The following SLIT2 variants were observed in gnomAD, a reference collection of about 807,000 sequenced individuals.
SLIT2 encodes the protein slit homolog 2 protein.
In SLIT2, 41 loss-of-function variants were observed where a neutral mutation model predicts 185.7. The ratio of observed to expected loss-of-function variants is 0.22; its 90% confidence interval spans 0.17 to 0.29. SLIT2 has a LOEUF of 0.29. Ranked by LOEUF, SLIT2 falls within the 10% of genes least tolerant of loss-of-function variation. The pLI, the probability that SLIT2 is intolerant of heterozygous loss-of-function variation, is 1.00. For synonymous variants in SLIT2, 693 were observed against 680.2 expected (o/e 1.02, Z -0.29); for missense variants, 1,571 against 1,909.0 (o/e 0.82, Z 3.30).
At chr4:20,379,215 C>G (rs566757626) in intron 4 of SLIT2, among the ~76,000 whole-genome samples, 27 of 152,146 alleles carry the variant, frequency 1.8e-4, no homozygotes, top group African/African-American at 6.3e-4. Context: ...AAAGATACTA[C>G]TCTGCATGGG....
At chr4:20,530,892 A>C (rs1257337270) in intron 16 of SLIT2, among the ~76,000 whole-genome samples, 1 of 151,992 alleles carries the variant, frequency 6.6e-6, no homozygotes, top group Non-Finnish European at 1.5e-5. Flanking sequence ...AAACTGCTCA[A>C]TATCATTAGT....
chr4:20,255,206 G>T (rs1258629010), intron 1 of SLIT2: 2 of 365,786 alleles, frequency 5.5e-6, no homozygotes, highest in Non-Finnish European at 1.1e-5. Context: ...GTTTCGGGCC[G>T]TGGAGAGGAG....
chr4:20,526,776 C>G (rs1721332434), intron 15 of SLIT2, among the ~76,000 whole-genome samples: 1 of 152,036 alleles, frequency 6.6e-6, no homozygotes, highest in South Asian at 2.1e-4. Context: ...TTGTAGAAGC[C>G]AGGACTCAAA....
rs1711554886 is a variant in SLIT2 at position 20,254,545 on chromosome 4, C to T, written c.179+551C>T. On this transcript the variant is annotated intron_variant, in intron 1 of 36. Coordinates refer to ENST00000504154, the MANE Select transcript of SLIT2 (RefSeq NM_004787.4). This position sits in a 1 kb window ranked among gnomAD's most constrained non-coding sequence, Gnocchi z 5.1. ...GTGCCTGGGGGTGCTTCTCACAGGT[C>T]GCGGGGAGAAGGGTGCCCCAGGACG... Among the ~76,000 whole-genome samples the T allele has an allele frequency of 1.3e-5, 2 of 152,104 alleles. No homozygotes were observed.
chr4:20,461,694 C>T (rs186633851), intron 4 of SLIT2, among the ~76,000 whole-genome samples: 5 of 152,060 alleles, frequency 3.3e-5, no homozygotes, highest in Non-Finnish European at 5.9e-5. Context: ...GTGGTTTGGA[C>T]GCAGATTGTA....
Position 20,553,961 on chromosome 4 carries a change from C to T in SLIT2, c.2718C>T (p.Thr906=), listed in dbSNP as rs764376134. Reference sequence around the variant, plus strand: ...TCACAACTCCCTCCAAAAAATTTACCTGTCAAGGTATGGTTTTTAATCATT... The same window carrying T: ...TCACAACTCCCTCCAAAAAATTTACTTGTCAAGGTATGGTTTTTAATCATT... ...LLLTTPSKKF[T]CQGPVDVNIL... The change falls in exon 26 of 37, where the codon ACC becomes ACT. Residue 906 remains threonine (T), a synonymous_variant. Transcript: ENST00000504154. The T allele has an allele frequency of 3.1e-6, 5 of 1,595,706 alleles. No individual in the cohort carries two copies. Among genetic ancestry groups the T allele is most frequent in the Non-Finnish European group, 4.3e-6 (5 of 1,174,206 alleles).
At position 20,449,274 on chromosome 4, in the gene SLIT2, A is replaced by T. The variant is rs538736955; in HGVS notation, c.396-18478A>T. 2.6e-4 allele frequency among the ~76,000 whole-genome samples: 39 copies of T among 152,230 alleles called. No individual in the cohort carries two copies. In the East Asian group the frequency reaches 5.8e-3, roughly 23 times the overall value. ...TATTTATGCTTACCATTTTTTACTT[A>T]TGGGGACACTTTGCCCATGGGAAAT... On this transcript the variant is annotated intron_variant, in intron 4 of 36. Coordinates refer to ENST00000504154, the MANE Select transcript of SLIT2 (RefSeq NM_004787.4).
At chr4:20,493,163 GGTGGCAGTAAGCATT>G (rs1717929975) in intron 9 of SLIT2, among the ~76,000 whole-genome samples, 1 of 152,262 alleles carries the variant, frequency 6.6e-6, no homozygotes, top group South Asian at 2.1e-4. Flanking sequence ...AAAGAACAGA[GGTGGCAGTAAGCATT>G]GTTTGAGAGA....
intron 4 of SLIT2, among the ~76,000 whole-genome samples, chr4:20,343,338 C>T (rs1721119153): frequency 6.6e-6 from 1 of 152,086 alleles, no homozygotes; most frequent in African/African-American, 2.4e-5. Context: ...TTATCCCTGG[C>T]TTATTTCACT....
At chr4:20,389,514 A>G (rs1338217259) in intron 4 of SLIT2, among the ~76,000 whole-genome samples, 2 of 152,010 alleles carry the variant, frequency 1.3e-5, no homozygotes, top group Non-Finnish European at 2.9e-5. Flanking sequence ...AAAGAGAGTG[A>G]GAAATTAAGT....
intron 22 of SLIT2, among the ~76,000 whole-genome samples, chr4:20,547,362 A>G (rs1305604626): frequency 5.3e-5 from 8 of 152,096 alleles, no homozygotes; most frequent in South Asian, 2.1e-4. Flanking sequence ...GCTCGAAATG[A>G]CAAATGAGGA....
At chr4:20,358,554 G>A (rs1390407181) in intron 4 of SLIT2, among the ~76,000 whole-genome samples, 1 of 152,024 alleles carries the variant, frequency 6.6e-6, no homozygotes, top group Non-Finnish European at 1.5e-5. Context: ...AAATTTGGGT[G>A]TCTACTCTGT....
At position 20,256,708 on chromosome 4, in the gene SLIT2, G is replaced by A. The variant is rs1711886432; in HGVS notation, c.216G>A (p.Lys72=). 6.3e-7 allele frequency: 1 copy of A among 1,576,170 alleles called. No individual in the cohort carries two copies. The highest frequency in any genetic ancestry group is 1.1e-5 in the South Asian group (1 of 87,150). Residue 72 remains lysine, a synonymous_variant, in exon 2 of 37, where the codon AAG becomes AAA. Transcript: ENST00000504154. ...LNGNNITRIT[K]TDFAGLRHLR... is the part of the protein sequence containing the mutation. Reference sequence around the variant, plus strand: ...GAAATAACATCACAAGAATTACGAAGACAGATTTTGCTGGTCTTAGACATC... The same window carrying A: ...GAAATAACATCACAAGAATTACGAAAACAGATTTTGCTGGTCTTAGACATC...
chr4:20,495,890 C>G (rs190529370), intron 9 of SLIT2, among the ~76,000 whole-genome samples: 142 of 152,084 alleles, frequency 9.3e-4, no homozygotes, highest in African/African-American at 3.3e-3. Context: ...TTTATAAGAA[C>G]AAAGAACATC....
chr4:20,430,824 G>A (rs1728915752), intron 4 of SLIT2, among the ~76,000 whole-genome samples: 1 of 152,174 alleles, frequency 6.6e-6, no homozygotes, highest in African/African-American at 2.4e-5. Flanking sequence ...AGCAGGCCAT[G>A]TGTATCCCAG....
At chr4:20,567,721 A>G in intron 28 of SLIT2, 106 bp downstream of exon 28, 2 of 865,526 alleles carry the variant, frequency 2.3e-6, no homozygotes, top group Non-Finnish European at 3.8e-6. Flanking sequence ...TTTTCAAAGA[A>G]TTTGAGAGAA....
At chr4:20,388,868 A>G (rs1435895360) in intron 4 of SLIT2, among the ~76,000 whole-genome samples, 1 of 141,890 alleles carries the variant, frequency 7.0e-6, no homozygotes, top group African/African-American at 2.6e-5. Flanking sequence ...TATAAAATAT[A>G]ATATATAATA....
chr4:20,370,743 A>G (rs1172584325), intron 4 of SLIT2, among the ~76,000 whole-genome samples: 1 of 152,158 alleles, frequency 6.6e-6, no homozygotes, highest in Non-Finnish European at 1.5e-5. Flanking sequence ...TCTGGATTCA[A>G]ACACCAATTT....
intron 4 of SLIT2, among the ~76,000 whole-genome samples, chr4:20,333,475 C>G (rs1435924548): frequency 6.6e-6 from 1 of 152,146 alleles, no homozygotes; most frequent in Non-Finnish European, 1.5e-5. Context: ...TCTCCCTCCA[C>G]TGAAAACAGA....
Sources: allele counts gnomAD v4.1 joint callset (sites outside exome capture counted in the v4.1 genomes callset), GRCh38; gene constraint gnomAD v4.1.1; non-coding constraint Gnocchi (gnomAD v3.1); transcripts MANE v1.5; gene names NCBI Gene and HGNC (gene_info 2026-07-23, HGNC 2026-07-21).